The following ZMIZ1 variants were observed in gnomAD, a reference collection of about 807,000 sequenced individuals.
ZMIZ1 encodes the protein zinc finger MIZ-type containing 1, also known as zinc finger MIZ domain-containing protein 1.
ZMIZ1 carries 17 observed loss-of-function variants against 113.9 expected under a neutral mutation model. The ratio of observed to expected loss-of-function variants is 0.15; its 90% CI spans 0.10 to 0.22. The LOEUF is 0.22. Ranked by LOEUF, ZMIZ1 falls within the 10% of genes least tolerant of loss-of-function variation. The pLI is 1.00. For synonymous variants in ZMIZ1, 607 were observed against 603.1 expected, an observed-to-expected ratio of 1.01 and a Z score of -0.09; for missense variants, 1,059 against 1,477.8, an observed-to-expected ratio of 0.72 and a Z score of 4.65.
rs146521574 is a variant in ZMIZ1, at chr10:79,140,531, C to T, written c.-131+754C>T. On this transcript the variant is annotated intron_variant, in intron 3 of 24. Coordinates refer to ENST00000334512, the MANE Select transcript of ZMIZ1 (RefSeq NM_020338.4). ...GCAACCACTAGTCTGTATTGTGTGC[C>T]TGTGAGACCCATCCCTCCATCCATC... 6.5e-3 allele frequency among the ~76,000 whole-genome samples: 997 copies of T among 152,266 alleles called. 9 individuals carry two copies. Among genetic ancestry groups the T allele is most frequent in the African/African-American group, 0.021 (863 of 41,552 alleles).
At chr10:79,093,471 C>T (rs1000550500) in intron 1 of ZMIZ1, among the ~76,000 whole-genome samples, 134 of 152,030 alleles carry the variant, frequency 8.8e-4, no homozygotes, top group African/African-American at 3.2e-3. Context: ...GGATTACAGG[C>T]GCCTGCCACC....
intron 4 of ZMIZ1, among the ~76,000 whole-genome samples, chr10:79,165,251 C>T (rs897258277): frequency 8.5e-5 from 13 of 152,170 alleles, no homozygotes; most frequent in Admixed American, 8.5e-4. Context: ...GCCTTCCTCC[C>T]CTGCCTGGGT....
At chr10:79,199,406 T>A (rs1847976929) in intron 4 of ZMIZ1, among the ~76,000 whole-genome samples, 1 of 151,916 alleles carries the variant, frequency 6.6e-6, no homozygotes, top group Non-Finnish European at 1.5e-5. Context: ...CTTGGGATGC[T>A]GAGGCTGGAG....
At chr10:79,073,888 G>A (rs1416074944) in intron 1 of ZMIZ1, among the ~76,000 whole-genome samples, 1 of 152,184 alleles carries the variant, frequency 6.6e-6, no homozygotes, top group Non-Finnish European at 1.5e-5. Flanking sequence ...CCACCCTGTG[G>A]ATAAAGACTG....
At chr10:79,306,027 C>G in intron 21 of ZMIZ1, 73 bp from the exon 22 acceptor site, 2 of 1,559,048 alleles carry the variant, frequency 1.3e-6, no homozygotes, top group Non-Finnish European at 1.7e-6. Flanking sequence ...GGGTGTCTGT[C>G]GGAGCTGGAG....
chr10:79,275,008 G>A (rs1479684253), intron 7 of ZMIZ1, among the ~76,000 whole-genome samples: 1 of 152,260 alleles, frequency 6.6e-6, no homozygotes, highest in Non-Finnish European at 1.5e-5. Flanking sequence ...CCTTTGTGCT[G>A]GCAGTGGAGT....
At chr10:79,276,131 C>A (rs1852272408) in intron 7 of ZMIZ1, among the ~76,000 whole-genome samples, 1 of 152,222 alleles carries the variant, frequency 6.6e-6, no homozygotes, top group African/African-American at 2.4e-5. Flanking sequence ...ATCCGTCCCT[C>A]CCTGCAGCCT....
At chr10:79,305,633 G>A (rs1337768842) in intron 21 of ZMIZ1, 32 bp downstream of exon 21, 1 of 1,604,860 alleles carries the variant, frequency 6.2e-7, no homozygotes, top group East Asian at 2.2e-5. Context: ...GGCAGGGGGT[G>A]GGAGGGGACG....
intron 2 of ZMIZ1, among the ~76,000 whole-genome samples, chr10:79,119,552 A>G (rs1844195210): frequency 6.6e-6 from 1 of 152,178 alleles, no homozygotes; most frequent in Non-Finnish European, 1.5e-5. Context: ...GTTCAAGTCC[A>G]GGTCTGTGTG....
intron 4 of ZMIZ1, 144 bp from the exon 5 acceptor site, chr10:79,201,440 G>A (rs545782497): frequency 6.2e-6 from 4 of 644,670 alleles, no homozygotes; most frequent in African/African-American, 5.4e-5. Flanking sequence ...CCTCAGCCCA[G>A]TGGGGTACCC....
At chr10:79,155,005 G>A (rs986462939) in intron 3 of ZMIZ1, among the ~76,000 whole-genome samples, 4 of 152,202 alleles carry the variant, frequency 2.6e-5, no homozygotes, top group Non-Finnish European at 5.9e-5. Flanking sequence ...CTCTGTGAGA[G>A]TAGTGACTCT....
intron 7 of ZMIZ1, 25 bp downstream of exon 7, chr10:79,216,299 G>T: frequency 9.0e-6 from 14 of 1,564,128 alleles, no homozygotes; most frequent in Non-Finnish European, 1.2e-5. Context: ...GGGACTCTGC[G>T]ATGTCACTGG....
chr10:79,211,023 C>T, intron 6 of ZMIZ1, among the ~76,000 whole-genome samples: 1 of 152,202 alleles, frequency 6.6e-6, no homozygotes, highest in Non-Finnish European at 1.5e-5. Flanking sequence ...ATGGCCCCCA[C>T]TCCTGCAGCC....
intron 18 of ZMIZ1, 50 bp downstream of exon 18, chr10:79,302,262 A>C (rs955350568): frequency 6.4e-7 from 1 of 1,568,424 alleles, no homozygotes; most frequent in Non-Finnish European, 8.7e-7. Context: ...TCCCCGCCTG[A>C]GTTTGGGACT....
At chr10:79,128,927 G>A (rs1009540569) in intron 2 of ZMIZ1, among the ~76,000 whole-genome samples, 1 of 152,206 alleles carries the variant, frequency 6.6e-6, no homozygotes, top group Non-Finnish European at 1.5e-5. Context: ...AAATGGGGAT[G>A]ATAATACTTC....
At chr10:79,311,261 TGAGGGC>T in intron 24 of ZMIZ1, 77 bp downstream of exon 24, 1 of 1,055,712 alleles carries the variant, frequency 9.5e-7, no homozygotes, top group Non-Finnish European at 1.1e-6. Flanking sequence ...GGGGTGGGTG[TGAGGGC>T]TCGAGGCCCC....
intron 4 of ZMIZ1, among the ~76,000 whole-genome samples, chr10:79,195,644 A>G (rs989793451): frequency 6.6e-6 from 1 of 152,026 alleles, no homozygotes; most frequent in African/African-American, 2.4e-5. Context: ...GGTGCGTGTC[A>G]CCTCCCAAAG....
chr10:79,228,818 C>T (rs1849287719), intron 7 of ZMIZ1, among the ~76,000 whole-genome samples: 1 of 152,228 alleles, frequency 6.6e-6, no homozygotes, highest in East Asian at 1.9e-4. Context: ...AGGACAGGGA[C>T]CTGAGCTTGG....
intron 7 of ZMIZ1, among the ~76,000 whole-genome samples, chr10:79,237,480 G>A (rs1849639975): frequency 6.6e-6 from 1 of 152,212 alleles, no homozygotes; most frequent in African/African-American, 2.4e-5. Context: ...AGAGGAAGGT[G>A]TCAGTAGGGC....
Sources: gnomAD v4.1 joint callset for allele counts (sites outside exome capture counted in the v4.1 genomes callset) on GRCh38, gnomAD v4.1.1 for gene constraint, MANE v1.5 for transcripts, NCBI Gene and HGNC (gene_info 2026-07-23, HGNC 2026-07-21) for gene names.